NTRK3: variants seen among roughly 807,000 people sequenced by gnomAD.
The protein encoded by NTRK3 is NT-3 growth factor receptor.
A neutral mutation model predicts 91.7 loss-of-function variants in NTRK3; 24 were observed. The observed-to-expected ratio is 0.26, with a 90% confidence interval of 0.19 to 0.37. The LOEUF (loss-of-function observed/expected upper bound fraction) is 0.37. Among genes scored for constraint, NTRK3 ranks in the 10% least tolerant of loss-of-function variants. NTRK3 has a pLI of 1.00. For synonymous variants in NTRK3, 483 were observed against 404.0 expected, an observed-to-expected ratio of 1.20 and a Z score of -2.34; for missense variants, 880 against 1,068.9, an observed-to-expected ratio of 0.82 and a Z score of 2.46.
At chr15:87,906,230 T>A (rs1385034403) in intron 17 of NTRK3, among the ~76,000 whole-genome samples, 1 of 152,196 alleles carries the variant, frequency 6.6e-6, no homozygotes, top group Non-Finnish European at 1.5e-5. Context: ...AATGTCTTCA[T>A]GAGAACAGAA....
chr15:87,878,765 T>C (rs991417770), intron 18 of NTRK3, among the ~76,000 whole-genome samples: 1 of 152,180 alleles, frequency 6.6e-6, no homozygotes, highest in African/African-American at 2.4e-5. Context: ...TAGAAGAAAC[T>C]GCAAACACCC....
chr15:88,051,957 G>T (rs558488792), intron 13 of NTRK3, among the ~76,000 whole-genome samples: 2 of 152,312 alleles, frequency 1.3e-5, no homozygotes, highest in East Asian at 3.9e-4. Flanking sequence ...AATAAGGAAT[G>T]AGCTTTATTA....
rs143718215 is a variant in NTRK3, at chr15:88,080,174, T to C, written c.1396+46097A>G. ...TAGCACTTCAATACACAACCTTGTA[T>C]GTGAACTTTTGTGGCCATCTCTGAT... On this transcript the variant is annotated intron_variant, in intron 13 of 18. Coordinates refer to ENST00000394480, the Ensembl canonical transcript of NTRK3. Among the ~76,000 whole-genome samples the C allele has an allele frequency of 2.6e-5, 4 of 152,360 alleles. No homozygotes were observed. In the East Asian group the frequency reaches 7.7e-4, roughly 29 times the overall value.
chr15:87,969,173 T>C (rs1052722366), intron 14 of NTRK3, among the ~76,000 whole-genome samples: 10 of 152,172 alleles, frequency 6.6e-5, no homozygotes, highest in Admixed American at 4.6e-4. Flanking sequence ...CAGATTGACA[T>C]GGCCAATTGG....
intron 3 of NTRK3, among the ~76,000 whole-genome samples, chr15:88,203,472 T>C (rs1467771123): frequency 1.3e-5 from 2 of 152,168 alleles, no homozygotes; most frequent in South Asian, 4.1e-4. Flanking sequence ...TTCAATCCCA[T>C]AACCACCCTA....
chr15:88,170,202 C>T (rs1356673979), intron 5 of NTRK3, among the ~76,000 whole-genome samples: 1 of 152,150 alleles, frequency 6.6e-6, no homozygotes, highest in Admixed American at 6.5e-5. Flanking sequence ...GACTCTAAAG[C>T]ACAAAAAATC....
intron 14 of NTRK3, among the ~76,000 whole-genome samples, chr15:87,980,409 G>T (rs1349458055): frequency 6.6e-6 from 1 of 152,114 alleles, no homozygotes; most frequent in Admixed American, 6.5e-5. Context: ...ATGTGTATTT[G>T]TGTGTTTGTG....
chr15:87,868,756 G>A (rs1036838272), exon 19 of NTRK3: 6 of 223,178 alleles, frequency 2.7e-5, no homozygotes, highest in African/African-American at 1.3e-4. Flanking sequence ...GGCTCATTCT[G>A]GAGCCAACCA....
chr15:87,982,078 C>T (rs1345242104), intron 14 of NTRK3, among the ~76,000 whole-genome samples: 1 of 152,182 alleles, frequency 6.6e-6, no homozygotes, highest in South Asian at 2.1e-4. Context: ...CATTAAAGAC[C>T]AGGGCCAAGC....
chr15:88,183,590 G>A lies in NTRK3; in HGVS notation c.324-101C>T, dbSNP rs923914362. 5.5e-6 allele frequency: 6 copies of A among 1,082,888 alleles called. No individual in the cohort carries two copies. The Admixed American group carries it at 8.5e-5, about 15-fold the overall frequency. 67.1% of individuals were successfully genotyped at this position (1,082,888 alleles called of 1,614,324 possible). ...GGGTGAGGCTAAGGCTGGCCCTGCA[G>A]CCGCCCTGTGGATTATCTACACCTC... On this transcript the variant is annotated intron_variant, in intron 4 of 18. Coordinates refer to ENST00000394480, the Ensembl canonical transcript of NTRK3.
chr15:88,026,980 C>T (rs1450858147), intron 14 of NTRK3, among the ~76,000 whole-genome samples: 3 of 152,166 alleles, frequency 2.0e-5, no homozygotes, highest in Non-Finnish European at 4.4e-5. Flanking sequence ...TCAGCCAACC[C>T]TGAACACCCT....
intron 14 of NTRK3, chr15:87,978,454 G>A (rs2073913020): frequency 8.7e-6 from 2 of 228,706 alleles, no homozygotes; most frequent in African/African-American, 4.4e-5. Context: ...TAGGGGAAGA[G>A]AGCCAATCCC....
intron 13 of NTRK3, among the ~76,000 whole-genome samples, chr15:88,072,196 G>A (rs559026486): frequency 1.3e-5 from 2 of 151,798 alleles, no homozygotes; most frequent in Non-Finnish European, 2.9e-5. Context: ...AGTAGAGATG[G>A]GGTTTCACTA....
intron 14 of NTRK3, chr15:87,977,789 A>T (rs931250666): frequency 8.6e-6 from 2 of 232,326 alleles, no homozygotes; most frequent in Non-Finnish European, 8.5e-6. Flanking sequence ...TTTAAACCCC[A>T]TGGAGGCATT....
chr15:87,874,109 G>A (rs971852516), exon 19 of NTRK3: 2 of 229,414 alleles, frequency 8.7e-6, no homozygotes, highest in African/African-American at 2.2e-5. Flanking sequence ...AATATAGGAG[G>A]GACAGGTGTG....
At chr15:88,084,422 G>A (rs1183165640) in intron 13 of NTRK3, among the ~76,000 whole-genome samples, 2 of 152,250 alleles carry the variant, frequency 1.3e-5, no homozygotes, top group Non-Finnish European at 2.9e-5. Flanking sequence ...CAGGCTGCAG[G>A]AGGGAGAGGA....
At chr15:88,106,543 G>A (rs1291153778) in intron 13 of NTRK3, among the ~76,000 whole-genome samples, 1 of 152,202 alleles carries the variant, frequency 6.6e-6, no homozygotes, top group Non-Finnish European at 1.5e-5. Flanking sequence ...GAATGACACG[G>A]AAGGATGCTT....
At chr15:88,225,095 C>A (rs2050559352) in intron 3 of NTRK3, among the ~76,000 whole-genome samples, 2 of 152,156 alleles carry the variant, frequency 1.3e-5, no homozygotes, top group South Asian at 4.1e-4. Flanking sequence ...TGATGTTTCT[C>A]ACAGCGTGGT....
At chr15:87,967,831 A>G (rs1374413945) in intron 14 of NTRK3, among the ~76,000 whole-genome samples, 2 of 152,194 alleles carry the variant, frequency 1.3e-5, no homozygotes, top group South Asian at 2.1e-4. Context: ...CTTTAAGTCA[A>G]CACCCATGGG....
Sources: allele counts gnomAD v4.1 joint callset (sites outside exome capture counted in the v4.1 genomes callset), GRCh38; gene constraint gnomAD v4.1.1; transcripts MANE v1.5; gene names NCBI Gene and HGNC (gene_info 2026-07-23, HGNC 2026-07-21).